PTPRN2: variants seen among roughly 807,000 people sequenced by gnomAD.
The protein encoded by PTPRN2 is receptor-type tyrosine-protein phosphatase N2.
Under a neutral mutation model 118.8 loss-of-function variants are expected in PTPRN2, and 74 were observed. That is an observed-to-expected ratio of 0.62 (90% CI 0.52 to 0.76). PTPRN2 has a LOEUF of 0.76. PTPRN2 is among the 30% of genes least tolerant of loss of function. PTPRN2 has a pLI of 0.00. For synonymous variants in PTPRN2, 641 were observed against 608.0 expected, an observed-to-expected ratio of 1.05 and a Z score of -0.80; for missense variants, 1,481 against 1,394.4, an observed-to-expected ratio of 1.06 and a Z score of -0.99.
intron 9 of PTPRN2, among the ~76,000 whole-genome samples, chr7:158,116,567 T>C (rs1040253355): frequency 1.3e-5 from 2 of 152,236 alleles, no homozygotes; most frequent in African/African-American, 4.8e-5. Flanking sequence ...ACAGATGTTG[T>C]CCTCCAAATA....
At chr7:157,876,368 C>T (rs1795769117) in intron 12 of PTPRN2, among the ~76,000 whole-genome samples, 1 of 152,210 alleles carries the variant, frequency 6.6e-6, no homozygotes, top group Non-Finnish European at 1.5e-5. Flanking sequence ...CCAGCAGCGG[C>T]CCCAGGACAG....
intron 6 of PTPRN2, among the ~76,000 whole-genome samples, chr7:158,140,766 T>C (rs994923986): frequency 6.6e-6 from 1 of 152,178 alleles, no homozygotes; most frequent in Non-Finnish European, 1.5e-5. Flanking sequence ...CAACGCGTCA[T>C]CGTGTCCACC....
intron 1 of PTPRN2, among the ~76,000 whole-genome samples, chr7:158,494,946 C>T (rs1821719706): frequency 1.3e-5 from 2 of 152,174 alleles, no homozygotes; most frequent in Non-Finnish European, 2.9e-5. Flanking sequence ...CGCCAGCCTC[C>T]CCCGCTCTTC....
chr7:157,580,926 G>C (rs1489143999), intron 17 of PTPRN2, among the ~76,000 whole-genome samples: 5 of 40,944 alleles, frequency 1.2e-4, no homozygotes, highest in East Asian at 7.6e-4. Flanking sequence ...CTGCACACCC[G>C]AGCCCCTGCA....
rs1038484261 is a variant in PTPRN2 at position 157,603,808 on chromosome 7, C to T, written c.2418+194G>A. On this transcript the variant is annotated intron_variant, in intron 16 of 22. Transcript: ENST00000389418. This position sits in a 1 kb window ranked among gnomAD's most constrained non-coding sequence, Gnocchi z 5.4. Reference sequence around the variant, plus strand: ...CGCCCAGCGTGAGCCGGGACCCACACGGCTCATAAACAGCCCCGCTGGTGA... The same window carrying T: ...CGCCCAGCGTGAGCCGGGACCCACATGGCTCATAAACAGCCCCGCTGGTGA... 6.6e-6 allele frequency among the ~76,000 whole-genome samples: 1 copy of T among 152,320 alleles called. No individual in the cohort carries two copies. The highest frequency in any genetic ancestry group is 2.4e-5 in the African/African-American group (1 of 41,570).
chr7:157,722,117 GC>G (rs1031279197), intron 12 of PTPRN2, among the ~76,000 whole-genome samples: 1 of 152,160 alleles, frequency 6.6e-6, no homozygotes, highest in African/African-American at 2.4e-5. Context: ...TGAGCCCCTG[GC>G]CCCCACCCTC....
Position 157,944,458 on chromosome 7 carries a change from T to C in PTPRN2, c.1724-45721A>G, listed in dbSNP as rs1800346312. Among the ~76,000 whole-genome samples the C allele has an allele frequency of 6.6e-6, 1 of 152,186 alleles. No individual in the cohort carries two copies. The highest frequency in any genetic ancestry group is 2.4e-5 in the African/African-American group (1 of 41,432). ...TGTGTTTATCGAGAGAAACCTAAGT[T>C]TGTGAGAAAAGGATCTATTGGAAAA... On this transcript the variant is annotated intron_variant, in intron 11 of 22. Coordinates refer to ENST00000389418, the MANE Select transcript of PTPRN2 (RefSeq NM_002847.5). This position sits in a 1 kb window ranked among gnomAD's most constrained non-coding sequence, Gnocchi z 4.3.
intron 12 of PTPRN2, among the ~76,000 whole-genome samples, chr7:157,895,894 C>T (rs936445935): frequency 6.6e-6 from 1 of 152,154 alleles, no homozygotes; most frequent in African/African-American, 2.4e-5. Context: ...CCCCATTTGA[C>T]AACACAGGAA....
chr7:157,646,384 G>A (rs1437991085), intron 14 of PTPRN2, among the ~76,000 whole-genome samples: 1 of 152,120 alleles, frequency 6.6e-6, no homozygotes, highest in African/African-American at 2.4e-5. Context: ...GCCATGTGAC[G>A]TCTTGGCTCC....
chr7:158,145,463 G>A (rs1016346320), intron 6 of PTPRN2, among the ~76,000 whole-genome samples: 8 of 152,234 alleles, frequency 5.3e-5, no homozygotes, highest in African/African-American at 1.7e-4. Context: ...TCGACAGAGA[G>A]CAGCTGGGAA....
intron 11 of PTPRN2, among the ~76,000 whole-genome samples, chr7:158,026,432 A>G (rs181645266): frequency 8.5e-4 from 130 of 152,332 alleles, no homozygotes; most frequent in Non-Finnish European, 1.8e-3. Flanking sequence ...CTGCCCTCAG[A>G]TGCCAGCCGG....
At chr7:157,853,947 C>T (rs1236675955) in intron 12 of PTPRN2, among the ~76,000 whole-genome samples, 1 of 152,208 alleles carries the variant, frequency 6.6e-6, no homozygotes, top group Non-Finnish European at 1.5e-5. Flanking sequence ...ACAGGGAACA[C>T]CGCGTGAAGA....
rs745586417 is a variant in PTPRN2, at chr7:158,138,450, C to G, written c.976G>C (p.Gly326Arg). 1.9e-6 allele frequency: 3 copies of G among 1,613,274 alleles called. No individual in the cohort carries two copies. Among genetic ancestry groups the G allele is most frequent in the Non-Finnish European group, 2.5e-6 (3 of 1,179,920 alleles). Reference sequence around the variant, plus strand: ...TCAGCCATGCCGTCCAGCTCCAGGCCACTCAGGCCCCTCACCTCAGCCGGC... The same window carrying G: ...TCAGCCATGCCGTCCAGCTCCAGGCGACTCAGGCCCCTCACCTCAGCCGGC... ...RQPAEVRGLS[G>R]LELDGMAELM... The change falls in exon 7 of 23, where the codon GGC becomes CGC. Residue 326 changes from glycine (G) to arginine (R), a missense_variant. Physicochemically the swap from Gly to Arg is moderately radical, Grantham distance 125. Coordinates refer to ENST00000389418, the MANE Select transcript of PTPRN2 (RefSeq NM_002847.5).
intron 2 of PTPRN2, among the ~76,000 whole-genome samples, chr7:158,423,944 A>C (rs1815477842): frequency 6.6e-6 from 1 of 152,162 alleles, no homozygotes; most frequent in Non-Finnish European, 1.5e-5. Context: ...CATTTCCTTT[A>C]ATCCTCACAA....
chr7:158,539,478 T>A (rs79947171), intron 1 of PTPRN2: 1 of 152,484 alleles, frequency 6.6e-6, no homozygotes, highest in Admixed American at 6.5e-5. Context: ...ACCGGACTCC[T>A]GTCCTGGATG....
At chr7:158,458,531 C>T (rs868423754) in intron 2 of PTPRN2, among the ~76,000 whole-genome samples, 1 of 152,108 alleles carries the variant, frequency 6.6e-6, no homozygotes, top group Non-Finnish European at 1.5e-5. Context: ...CAAAACCACG[C>T]CCCCACCCAA....
intron 11 of PTPRN2, among the ~76,000 whole-genome samples, chr7:157,984,748 C>T (rs535072711): frequency 1.8e-4 from 27 of 152,284 alleles, no homozygotes; most frequent in Non-Finnish European, 3.2e-4. Flanking sequence ...AGCTCATCCC[C>T]GACATGGGCT....
intron 11 of PTPRN2, among the ~76,000 whole-genome samples, chr7:157,998,511 C>G (rs1025031897): frequency 1.3e-5 from 2 of 152,142 alleles, no homozygotes; most frequent in African/African-American, 4.8e-5. Flanking sequence ...AAATGTAGAC[C>G]GAATAAGCTA....
chr7:157,938,128 G>C (rs1192398634), intron 11 of PTPRN2, among the ~76,000 whole-genome samples: 2 of 152,196 alleles, frequency 1.3e-5, no homozygotes, highest in African/African-American at 4.8e-5. Context: ...GGTGAGAGGA[G>C]GTCACCTCGA....
Sources: allele counts gnomAD v4.1 joint callset (sites outside exome capture counted in the v4.1 genomes callset), GRCh38; gene constraint gnomAD v4.1.1; non-coding constraint Gnocchi (gnomAD v3.1); transcripts MANE v1.5; gene names NCBI Gene and HGNC (gene_info 2026-07-23, HGNC 2026-07-21).